Variants in RPS6KC1 observed in about 807,000 individuals in gnomAD.
RPS6KC1 encodes the protein ribosomal protein S6 kinase C1, also known as inactive ribosomal protein S6 kinase delta-1.
RPS6KC1 carries 54 observed loss-of-function variants against 103.8 expected under a neutral mutation model. The observed-to-expected ratio is 0.52, with a 90% confidence interval of 0.42 to 0.65. RPS6KC1 has a LOEUF of 0.65. RPS6KC1 is among the 30% of genes least tolerant of loss of function. The probability of loss-of-function intolerance (pLI) is 0.00; values close to 1 mark genes in which losing one functional copy is unlikely to be tolerated. For missense variants in RPS6KC1, 1,151 were observed against 1,253.8 expected (o/e 0.92, Z 1.24); for synonymous variants, 439 against 438.7 (o/e 1.00, Z -0.01).
chr1:213,543,590 C>G, the RPS6KC1 span, among the ~76,000 whole-genome samples: 5 of 152,116 alleles, frequency 3.3e-5, no homozygotes, highest in Admixed American at 3.3e-4. Context: ...ACCATCCATG[C>G]CAAATTTAAA....
chr1:213,853,913 A>G, the RPS6KC1 span, among the ~76,000 whole-genome samples: 94,532 of 152,070 alleles, frequency 0.62, 31,344 homozygotes, highest in African/African-American at 0.85. Context: ...CACCACAAAT[A>G]ACCCTGGTTT....
chr1:213,469,374 T>A, the RPS6KC1 span, among the ~76,000 whole-genome samples: 1 of 152,206 alleles, frequency 6.6e-6, no homozygotes, highest in Admixed American at 6.5e-5. Flanking sequence ...TATTCTTTGA[T>A]TATAGAAAGT....
the RPS6KC1 span, among the ~76,000 whole-genome samples, chr1:213,564,610 C>T: frequency 6.6e-6 from 1 of 152,190 alleles, no homozygotes; most frequent in East Asian, 1.9e-4. Context: ...GTTTCTTTGT[C>T]ACCATATCAA....
chr1:213,437,516 T>C, the RPS6KC1 span, among the ~76,000 whole-genome samples: 1 of 152,084 alleles, frequency 6.6e-6, no homozygotes. Flanking sequence ...TGGTTTTACA[T>C]TATAAGCTTC....
At chr1:213,685,273 A>G in the RPS6KC1 span, among the ~76,000 whole-genome samples, 3 of 152,204 alleles carry the variant, frequency 2.0e-5, no homozygotes, top group Non-Finnish European at 4.4e-5. Flanking sequence ...CTCTATCACA[A>G]GATGAATGGT....
chr1:213,547,162 A>G, the RPS6KC1 span, among the ~76,000 whole-genome samples: 1 of 152,226 alleles, frequency 6.6e-6, no homozygotes, highest in South Asian at 2.1e-4. Context: ...ATCATATTAA[A>G]GGTACCTGCT....
At chr1:213,107,476 C>T (rs1460450143) in intron 4 of RPS6KC1, among the ~76,000 whole-genome samples, 2 of 152,130 alleles carry the variant, frequency 1.3e-5, no homozygotes, top group African/African-American at 4.8e-5. Flanking sequence ...TGTTATGTAT[C>T]AGCATTTTGT....
chr1:213,196,330 T>C (rs2092946847), intron 8 of RPS6KC1, among the ~76,000 whole-genome samples: 1 of 152,186 alleles, frequency 6.6e-6, no homozygotes, highest in South Asian at 2.1e-4. Flanking sequence ...GATGGGATTA[T>C]TTGTTTTTTT....
At chr1:213,517,400 A>G in the RPS6KC1 span, among the ~76,000 whole-genome samples, 2 of 152,100 alleles carry the variant, frequency 1.3e-5, no homozygotes, top group Non-Finnish European at 2.9e-5. Flanking sequence ...ACTGCTTTGA[A>G]TGTGTCCCAG....
At chr1:213,428,522 T>C in the RPS6KC1 span, among the ~76,000 whole-genome samples, 43 of 45,802 alleles carry the variant, frequency 9.4e-4, no homozygotes, top group African/African-American at 1.9e-3. Flanking sequence ...TCCTTCCTCT[T>C]TCTCTCTCTC....
the RPS6KC1 span, among the ~76,000 whole-genome samples, chr1:213,758,389 A>G: frequency 2.0e-5 from 3 of 152,124 alleles, no homozygotes; most frequent in African/African-American, 7.2e-5. Flanking sequence ...ACCAGCCTGG[A>G]CAACATGGTA....
the RPS6KC1 span, among the ~76,000 whole-genome samples, chr1:213,468,981 T>TA: frequency 6.6e-6 from 1 of 152,160 alleles, no homozygotes; most frequent in Non-Finnish European, 1.5e-5. Context: ...TCAGCTTACT[T>TA]AGCGACACCT....
At chr1:213,320,158 G>A in the RPS6KC1 span, among the ~76,000 whole-genome samples, 1 of 152,174 alleles carries the variant, frequency 6.6e-6, no homozygotes, top group East Asian at 1.9e-4. Flanking sequence ...CCTGGTTGAA[G>A]AACTTGGAAA....
chr1:213,796,791 A>G, the RPS6KC1 span, among the ~76,000 whole-genome samples: 1 of 152,224 alleles, frequency 6.6e-6, no homozygotes, highest in Non-Finnish European at 1.5e-5. Flanking sequence ...TAGTGATCAA[A>G]GTTTAACCCG....
chr1:213,483,428 A>G, the RPS6KC1 span, among the ~76,000 whole-genome samples: 1 of 152,206 alleles, frequency 6.6e-6, no homozygotes, highest in African/African-American at 2.4e-5. Context: ...CTTAATGGAC[A>G]TCCCCCCCAA....
chr1:213,694,381 T>C, the RPS6KC1 span, among the ~76,000 whole-genome samples: 1 of 152,212 alleles, frequency 6.6e-6, no homozygotes, highest in Non-Finnish European at 1.5e-5. Flanking sequence ...CTCATACATG[T>C]ATAACCTTAC....
the RPS6KC1 span, among the ~76,000 whole-genome samples, chr1:213,610,065 A>G: frequency 1.3e-5 from 2 of 152,148 alleles, no homozygotes; most frequent in Non-Finnish European, 2.9e-5. Flanking sequence ...CATTCTCATC[A>G]GCCATACCTT....
At chr1:213,632,379 C>T in the RPS6KC1 span, among the ~76,000 whole-genome samples, 1 of 152,194 alleles carries the variant, frequency 6.6e-6, no homozygotes, top group Admixed American at 6.5e-5. Context: ...AACTGAGCCT[C>T]CACTGGTGAT....
At chr1:213,386,239 T>A in the RPS6KC1 span, among the ~76,000 whole-genome samples, 1 of 152,184 alleles carries the variant, frequency 6.6e-6, no homozygotes, top group African/African-American at 2.4e-5. Context: ...ACTCTCCCTA[T>A]GAGTGGAAGC....
Sources: gnomAD v4.1 joint callset for allele counts (sites outside exome capture counted in the v4.1 genomes callset) on GRCh38, gnomAD v4.1.1 for gene constraint, MANE v1.5 for transcripts, NCBI Gene and HGNC (gene_info 2026-07-23, HGNC 2026-07-21) for gene names.